The following ARHGEF3 variants were observed in gnomAD, a reference collection of about 807,000 sequenced individuals.
ARHGEF3 encodes Rho guanine nucleotide exchange factor 3.
Under a neutral mutation model 63.2 loss-of-function variants are expected in ARHGEF3, and 28 were observed. The observed-to-expected ratio is 0.44, with a 90% confidence interval of 0.33 to 0.61. ARHGEF3 has a LOEUF of 0.61. Ranked by LOEUF, ARHGEF3 falls within the 20% of genes least tolerant of loss-of-function variation. ARHGEF3 has a pLI of 0.03. For missense variants in ARHGEF3, 533 were observed against 659.3 expected (o/e 0.81, Z 2.10); for synonymous variants, 266 against 254.2 (o/e 1.05, Z -0.44).
intron 2 of ARHGEF3, among the ~76,000 whole-genome samples, chr3:57,020,597 T>G (rs1703217623): frequency 6.6e-6 from 1 of 152,174 alleles, no homozygotes; most frequent in Non-Finnish European, 1.5e-5. Context: ...GGAATAAGCT[T>G]TCACTCCATA....
At chr3:56,901,485 G>A (rs999316714) in intron 3 of ARHGEF3, among the ~76,000 whole-genome samples, 3 of 151,390 alleles carry the variant, frequency 2.0e-5, no homozygotes, top group African/African-American at 7.3e-5. Flanking sequence ...ATTCATAGTA[G>A]TATGTTCTAT....
chr3:56,774,009 C>T (rs1397586214), intron 1 of ARHGEF3, among the ~76,000 whole-genome samples, 193 bp from the exon 2 acceptor site: 1 of 152,112 alleles, frequency 6.6e-6, no homozygotes, highest in Non-Finnish European at 1.5e-5. Context: ...AAATGGCAGG[C>T]AGGGGATGTC....
intron 2 of ARHGEF3, among the ~76,000 whole-genome samples, chr3:57,032,461 T>C (rs1158971461): frequency 6.6e-6 from 1 of 152,242 alleles, no homozygotes; most frequent in Non-Finnish European, 1.5e-5. Context: ...TGGGTCTGTT[T>C]GTTACTCCAA....
intron 1 of ARHGEF3, chr3:57,073,629 G>A: frequency 6.5e-7 from 1 of 1,536,912 alleles, no homozygotes; most frequent in South Asian, 1.3e-5. Context: ...ATGCTCCTCA[G>A]GGATTGGCTC....
chr3:57,003,969 A>G (rs894569668), intron 2 of ARHGEF3, among the ~76,000 whole-genome samples: 1 of 152,240 alleles, frequency 6.6e-6, no homozygotes, highest in Non-Finnish European at 1.5e-5. Flanking sequence ...GTTGTTTGAA[A>G]TTGCCAGATT....
intron 4 of ARHGEF3, among the ~76,000 whole-genome samples, chr3:56,863,802 T>C (rs1173767757): frequency 6.6e-6 from 1 of 152,154 alleles, no homozygotes; most frequent in Non-Finnish European, 1.5e-5. Flanking sequence ...CCTAGGGAAT[T>C]TGGCACTGGA....
intron 3 of ARHGEF3, among the ~76,000 whole-genome samples, chr3:56,916,773 G>A (rs1371406373): frequency 6.6e-6 from 1 of 152,190 alleles, no homozygotes; most frequent in Non-Finnish European, 1.5e-5. Flanking sequence ...TAGGAGAAGG[G>A]ACACTGGGAG....
At chr3:56,859,535 CT>C (rs1223726363) in intron 4 of ARHGEF3, among the ~76,000 whole-genome samples, 541 of 143,548 alleles carry the variant, frequency 3.8e-3, no homozygotes, top group Middle Eastern at 7.0e-3. Flanking sequence ...CTTGGTACAC[CT>C]TTTTTTTTTT....
intron 3 of ARHGEF3, among the ~76,000 whole-genome samples, chr3:56,914,042 C>T (rs568849130): frequency 4.6e-5 from 7 of 152,240 alleles, no homozygotes; most frequent in South Asian, 2.1e-4. Flanking sequence ...AACCAAACAA[C>T]GTATGATCTC....
At chr3:56,971,452 G>C (rs1021790153) in intron 2 of ARHGEF3, among the ~76,000 whole-genome samples, 20 of 152,054 alleles carry the variant, frequency 1.3e-4, no homozygotes, top group Non-Finnish European at 2.9e-5. Context: ...GTCTGGTCTG[G>C]AGCTGTCCAA....
At chr3:56,929,992 G>A (rs1178348698) in intron 3 of ARHGEF3, among the ~76,000 whole-genome samples, 2 of 152,078 alleles carry the variant, frequency 1.3e-5, no homozygotes, top group East Asian at 3.9e-4. Context: ...CCCACTCTTG[G>A]GTGGCCAGCC....
chr3:56,803,987 T>C (rs1467304450), upstream of ARHGEF3, among the ~76,000 whole-genome samples: 4 of 151,672 alleles, frequency 2.6e-5, no homozygotes, highest in East Asian at 7.7e-4. Flanking sequence ...TGGGCTCAAG[T>C]GATCTTTCCA....
At chr3:57,005,272 C>T (rs966408870) in intron 2 of ARHGEF3, among the ~76,000 whole-genome samples, 35 of 152,170 alleles carry the variant, frequency 2.3e-4, no homozygotes, top group African/African-American at 8.0e-4. Flanking sequence ...CATAATACTA[C>T]ATCCTAGGTA....
intron 6 of ARHGEF3, among the ~76,000 whole-genome samples, chr3:56,749,665 A>G (rs1216697065): frequency 6.6e-6 from 1 of 152,234 alleles, no homozygotes; most frequent in African/African-American, 2.4e-5. Flanking sequence ...AACATCTACG[A>G]TGGCTCATAA....
intron 2 of ARHGEF3, among the ~76,000 whole-genome samples, chr3:57,024,725 G>C (rs1398579715): frequency 6.6e-6 from 1 of 152,172 alleles, no homozygotes; most frequent in Non-Finnish European, 1.5e-5. Context: ...CTGACCTCAT[G>C]ATCCGCCCGC....
chr3:56,821,244 C>T (rs2108038255), intron 4 of ARHGEF3, among the ~76,000 whole-genome samples: 1 of 152,082 alleles, frequency 6.6e-6, no homozygotes, highest in South Asian at 2.1e-4. Flanking sequence ...TGATATATGG[C>T]CAAGGTTTGC....
chr3:56,979,285 C>T (rs1056636291), intron 2 of ARHGEF3, among the ~76,000 whole-genome samples: 2 of 152,246 alleles, frequency 1.3e-5, no homozygotes, highest in South Asian at 2.1e-4. Flanking sequence ...TTTCATTCCA[C>T]ACTCATCCCA....
At chr3:56,976,167 G>A (rs1438703341) in intron 2 of ARHGEF3, among the ~76,000 whole-genome samples, 5 of 151,686 alleles carry the variant, frequency 3.3e-5, no homozygotes, top group African/African-American at 4.8e-5. Flanking sequence ...TCAGCCTCCC[G>A]AGTACCTGGG....
chr3:56,996,428 A>G (rs1256079644), intron 2 of ARHGEF3, among the ~76,000 whole-genome samples: 1 of 152,176 alleles, frequency 6.6e-6, no homozygotes, highest in Non-Finnish European at 1.5e-5. Flanking sequence ...CTAATCCCCC[A>G]TGTGATGGTA....
Sources: gnomAD v4.1 joint callset for allele counts (sites outside exome capture counted in the v4.1 genomes callset) on GRCh38, gnomAD v4.1.1 for gene constraint, MANE v1.5 for transcripts, NCBI Gene and HGNC (gene_info 2026-07-23, HGNC 2026-07-21) for gene names.